Variants in LRP1B observed in about 807,000 individuals in gnomAD.
LRP1B encodes low-density lipoprotein receptor-related protein 1B.
LRP1B carries 217 observed loss-of-function variants against 556.6 expected under a neutral mutation model. That is an observed-to-expected ratio of 0.39 (90% CI 0.35 to 0.44). LRP1B has a LOEUF of 0.44. LRP1B is among the 20% of genes least tolerant of loss of function. The pLI is 1.00. For missense variants in LRP1B, 5,053 were observed against 5,620.8 expected, an observed-to-expected ratio of 0.90 and a Z score of 3.23; for synonymous variants, 2,047 against 1,865.8, an observed-to-expected ratio of 1.10 and a Z score of -2.50.
intron 2 of LRP1B, among the ~76,000 whole-genome samples, chr2:141,697,414 A>G (rs1691768491): frequency 6.6e-6 from 1 of 151,974 alleles, no homozygotes; most frequent in African/African-American, 2.4e-5. Context: ...CTCCTTGTTA[A>G]TGTCCTGAAA....
intron 2 of LRP1B, among the ~76,000 whole-genome samples, chr2:141,544,609 C>T (rs1377856385): frequency 6.6e-6 from 1 of 151,576 alleles, no homozygotes; most frequent in Admixed American, 6.6e-5. Context: ...TAAACACAGA[C>T]TTCTCCACAC....
chr2:141,519,295 A>C (rs1274949655), intron 2 of LRP1B, among the ~76,000 whole-genome samples: 12 of 149,382 alleles, frequency 8.0e-5, no homozygotes, highest in African/African-American at 3.0e-4. Context: ...CCTCAATGTT[A>C]AATATCATGG....
In LRP1B at chr2:140,467,696, G is replaced by C. The variant is rs561470604; in HGVS notation, c.9625+7442C>G. ...TGTCATGAGAATTCTACCCTCATGA[G>C]TGAAACTGACACAGAAATTGATTGA... On this transcript the variant is annotated intron_variant, in intron 60 of 90. Transcript: ENST00000389484. Among the ~76,000 whole-genome samples the C allele has an allele frequency of 2.0e-5, 3 of 151,696 alleles. No homozygotes were observed. The South Asian group carries it at 6.3e-4, about 32-fold the overall frequency.
At chr2:141,145,781 C>A (rs892092139) in intron 7 of LRP1B, among the ~76,000 whole-genome samples, 1 of 151,938 alleles carries the variant, frequency 6.6e-6, no homozygotes, top group African/African-American at 2.4e-5. Flanking sequence ...GATCCGCACA[C>A]CTCTGCCTCC....
At chr2:141,773,816 G>A (rs1361719842) in intron 2 of LRP1B, among the ~76,000 whole-genome samples, 1 of 152,220 alleles carries the variant, frequency 6.6e-6, no homozygotes, top group African/African-American at 2.4e-5. Context: ...GCATGATGGT[G>A]GGTTATGCGT....
At chr2:141,525,600 G>T (rs1684669800) in intron 2 of LRP1B, among the ~76,000 whole-genome samples, 1 of 151,976 alleles carries the variant, frequency 6.6e-6, no homozygotes, top group African/African-American at 2.4e-5. Context: ...GTCACTCATA[G>T]CACTTTTTAG....
rs1032584795 is a variant in LRP1B at position 140,840,001 on chromosome 2, C to T, written c.5199G>A (p.Lys1733=). The part of the protein sequence containing the change: ...SNSKILFQNQ[K]EPVGLSIDYV... ...AAAAAAAATACTTACCAACTGGCTC[C>T]TTCTGATTCTGAAACAGAATCTTGC... Residue 1733 remains lysine (K), a synonymous_variant, in exon 31 of 91, where the codon AAG becomes AAA. Transcript: ENST00000389484. 6.2e-7 allele frequency: 1 copy of T among 1,607,440 alleles called. No individual in the cohort carries two copies. Among genetic ancestry groups the T allele is most frequent in the Non-Finnish European group, 8.5e-7 (1 of 1,177,558 alleles).
intron 7 of LRP1B, among the ~76,000 whole-genome samples, chr2:141,153,271 T>C (rs1469068864): frequency 7.7e-6 from 1 of 130,606 alleles, no homozygotes; most frequent in African/African-American, 2.9e-5. Flanking sequence ...TTTATAATAA[T>C]ATATATAAGC....
At chr2:141,301,633 A>G (rs1435571946) in intron 3 of LRP1B, among the ~76,000 whole-genome samples, 1 of 152,196 alleles carries the variant, frequency 6.6e-6, no homozygotes, top group Non-Finnish European at 1.5e-5. Flanking sequence ...ATGACTTGCC[A>G]CTACCAGAAT....
chr2:141,885,948 G>A (rs1574463037), intron 1 of LRP1B, among the ~76,000 whole-genome samples: 2 of 152,160 alleles, frequency 1.3e-5, no homozygotes, highest in South Asian at 4.1e-4. Context: ...CTAGGTTAAT[G>A]AGTTTCAGTC....
At chr2:140,604,545 A>G (rs539070702) in intron 41 of LRP1B, among the ~76,000 whole-genome samples, 107 of 152,290 alleles carry the variant, frequency 7.0e-4, no homozygotes, top group Admixed American at 2.6e-3. Flanking sequence ...AAGAACAGCA[A>G]TAGCCCCTTC....
chr2:140,916,552 A>C (rs1694585067), intron 21 of LRP1B, among the ~76,000 whole-genome samples: 1 of 152,196 alleles, frequency 6.6e-6, no homozygotes, highest in African/African-American at 2.4e-5. Context: ...CTTCTGCTAA[A>C]AGATCACTTG....
intron 8 of LRP1B, among the ~76,000 whole-genome samples, chr2:141,061,288 T>C (rs937845024): frequency 6.6e-6 from 1 of 151,764 alleles, no homozygotes; most frequent in Non-Finnish European, 1.5e-5. Context: ...CTTTAGAGGA[T>C]AATCACAGAA....
chr2:141,123,268 A>AAAAAAAAAAAAAAAG (rs1558876282), intron 7 of LRP1B, among the ~76,000 whole-genome samples: 1 of 147,140 alleles, frequency 6.8e-6, no homozygotes, highest in Non-Finnish European at 1.5e-5. Flanking sequence ...ATAAATAAAA[A>AAAAAAAAAAAAAAAG]AAAGAAAGTA....
At chr2:141,725,371 G>A (rs1692989704) in intron 2 of LRP1B, among the ~76,000 whole-genome samples, 1 of 151,844 alleles carries the variant, frequency 6.6e-6, no homozygotes, top group African/African-American at 2.4e-5. Flanking sequence ...TGTCCAAGTA[G>A]TAATCAAGTG....
At chr2:140,670,897 C>G (rs72979863) in intron 41 of LRP1B, among the ~76,000 whole-genome samples, 1 of 152,228 alleles carries the variant, frequency 6.6e-6, no homozygotes, top group Admixed American at 6.5e-5. Flanking sequence ...GATGCAGAAA[C>G]TGAAAATGTA....
chr2:140,970,588 T>C (rs1340921276), intron 18 of LRP1B, among the ~76,000 whole-genome samples: 2 of 152,066 alleles, frequency 1.3e-5, no homozygotes, highest in Non-Finnish European at 2.9e-5. Flanking sequence ...CAGTTGGAAA[T>C]GCAGAAATCA....
chr2:142,107,465 C>A (rs956705087), intron 1 of LRP1B, among the ~76,000 whole-genome samples: 1 of 152,110 alleles, frequency 6.6e-6, no homozygotes, highest in Non-Finnish European at 1.5e-5. Flanking sequence ...AAGGGCCCCA[C>A]CAGATGCTGA....
chr2:142,092,652 T>TGTG (rs566167395), intron 1 of LRP1B, among the ~76,000 whole-genome samples: 13 of 150,322 alleles, frequency 8.6e-5, no homozygotes, highest in Non-Finnish European at 1.5e-4. Context: ...GTGTGTGTGT[T>TGTG]TTTGTATGGG....
Sources: gnomAD v4.1 joint callset for allele counts (sites outside exome capture counted in the v4.1 genomes callset) on GRCh38, gnomAD v4.1.1 for gene constraint, MANE v1.5 for transcripts, NCBI Gene and HGNC (gene_info 2026-07-23, HGNC 2026-07-21) for gene names.